LRIF1: variants seen among roughly 807,000 people sequenced by gnomAD.
The protein encoded by LRIF1 is ligand-dependent nuclear receptor-interacting factor 1.
In LRIF1, 32 loss-of-function variants were observed where a neutral mutation model predicts 52.7. The ratio of observed to expected loss-of-function variants is 0.61; its 90% CI spans 0.46 to 0.82. LRIF1 has a LOEUF of 0.82. Ranked by LOEUF, LRIF1 falls within the 40% of genes least tolerant of loss-of-function variation. The pLI, the probability that LRIF1 is intolerant of heterozygous loss-of-function variation, is 0.00. For missense variants in LRIF1, 887 were observed against 892.0 expected, an observed-to-expected ratio of 0.99 and a Z score of 0.07; for synonymous variants, 323 against 317.4, an observed-to-expected ratio of 1.02 and a Z score of -0.19.
At chr1:110,891,823 A>G in the LRIF1 span, among the ~76,000 whole-genome samples, 14 of 152,344 alleles carry the variant, frequency 9.2e-5, no homozygotes, top group African/African-American at 3.4e-4. Context: ...CCTTGAAACA[A>G]TAAGTGATTG....
chr1:110,958,492 C>T (rs1212168181), intron 1 of LRIF1, among the ~76,000 whole-genome samples: 1 of 151,920 alleles, frequency 6.6e-6, no homozygotes, highest in African/African-American at 2.4e-5. Context: ...AAGACTGAAA[C>T]TCCTTAAGGT....
chr1:110,892,323 G>A, the LRIF1 span: 1 of 1,601,230 alleles, frequency 6.2e-7, no homozygotes, highest in Non-Finnish European at 8.6e-7. Flanking sequence ...GCTTCAGGAT[G>A]TTGTGGGATT....
the LRIF1 span, among the ~76,000 whole-genome samples, chr1:110,907,757 A>G: frequency 6.6e-6 from 1 of 152,102 alleles, no homozygotes; most frequent in Non-Finnish European, 1.5e-5. Flanking sequence ...AAGTTTTGAG[A>G]AGTTTTTTTC....
chr1:110,960,579 T>A (rs561233434), intron 1 of LRIF1, among the ~76,000 whole-genome samples: 126 of 152,328 alleles, frequency 8.3e-4, no homozygotes, highest in Non-Finnish European at 1.4e-3. Flanking sequence ...ACCTCTAAGG[T>A]GATGCTTCCC....
the LRIF1 span, among the ~76,000 whole-genome samples, chr1:110,930,959 C>T: frequency 9.9e-5 from 15 of 152,042 alleles, no homozygotes; most frequent in Admixed American, 5.9e-4. Context: ...TGTCGTCCAG[C>T]CTGTGGTACC....
At chr1:110,933,519 G>A in the LRIF1 span, among the ~76,000 whole-genome samples, 1 of 152,170 alleles carries the variant, frequency 6.6e-6, no homozygotes, top group African/African-American at 2.4e-5. Context: ...GCCAGGTTGT[G>A]TGGAGGGCAT....
At position 110,952,402 on chromosome 1, in the gene LRIF1, G is replaced by C; in HGVS notation, c.482C>G (p.Ser161Cys). The C allele has an allele frequency of 6.2e-7, 1 of 1,613,466 alleles. No homozygotes were observed. Among genetic ancestry groups the C allele is most frequent in the Non-Finnish European group, 8.5e-7 (1 of 1,179,408 alleles). Residue 161 changes from serine to cysteine, a missense_variant, in exon 2 of 4, where the codon TCT (serine) becomes TGT (cysteine). Physicochemically the swap from Ser to Cys is moderately radical, Grantham distance 112 (BLOSUM62 -1). Coordinates refer to ENST00000369763, the MANE Select transcript of LRIF1 (RefSeq NM_018372.4). ...AVPPSTQKDSSFIVVNTQSLP... is the reference protein window; with the variant it reads ...AVPPSTQKDSCFIVVNTQSLP... ...ACTCTGGGTATTAACTACAATAAAA[G>C]ATGAGTCTTTTTGTGTTGAGGGAGG...
chr1:110,904,946 A>G, the LRIF1 span, among the ~76,000 whole-genome samples: 2 of 152,250 alleles, frequency 1.3e-5, no homozygotes, highest in Non-Finnish European at 1.5e-5. Flanking sequence ...GATTAAAATA[A>G]TTAAAAAGAA....
At chr1:110,893,522 A>G in the LRIF1 span, among the ~76,000 whole-genome samples, 1 of 152,284 alleles carries the variant, frequency 6.6e-6, no homozygotes, top group African/African-American at 2.4e-5. Flanking sequence ...GGGTTTCTCC[A>G]TATTGGTCAA....
At position 110,947,961 on chromosome 1, in the gene LRIF1, AT is replaced by A; in HGVS notation, c.2307del (p.Lys769AsnfsTer15). 6.4e-7 allele frequency: 1 copy of A among 1,567,716 alleles called. No individual in the cohort carries two copies. Among genetic ancestry groups the A allele is most frequent in the Non-Finnish European group, 8.6e-7 (1 of 1,161,552 alleles). On this transcript the variant is annotated frameshift_variant, in exon 4 of 4. Transcript: ENST00000369763. LOFTEE classifies it high-confidence loss of function. ...CACTGAAGTCTTTACAGGAGATTTTATTTTTGGTGCATCTTCTTACGCATTT... is the reference window on the plus strand; with the variant it reads ...CACTGAAGTCTTTACAGGAGATTTTATTTTGGTGCATCTTCTTACGCATTT... Reference protein sequence around the residue: ...LEEMRKKMHQK With the variant: ...LEEMRKKMHQX
chr1:110,914,989 A>G, the LRIF1 span, among the ~76,000 whole-genome samples: 7 of 152,146 alleles, frequency 4.6e-5, no homozygotes, highest in East Asian at 1.4e-3. Flanking sequence ...GCACCAAAAG[A>G]AAGTATAAGA....
chr1:110,895,882 A>G, the LRIF1 span, among the ~76,000 whole-genome samples: 1 of 152,176 alleles, frequency 6.6e-6, no homozygotes, highest in Non-Finnish European at 1.5e-5. Context: ...TAGACAATAT[A>G]TTATTTCACC....
chr1:110,902,877 G>A, the LRIF1 span, among the ~76,000 whole-genome samples: 5 of 152,176 alleles, frequency 3.3e-5, no homozygotes, highest in Non-Finnish European at 7.4e-5. Context: ...TGAAAGTCAT[G>A]CTGGAGAGGT....
At chr1:110,962,028 A>G (rs1658973251) in intron 1 of LRIF1, among the ~76,000 whole-genome samples, 1 of 151,168 alleles carries the variant, frequency 6.6e-6, no homozygotes, top group East Asian at 1.9e-4. Context: ...CAAATCCCCA[A>G]AAGGATTAGA....
chr1:110,902,510 A>AG, the LRIF1 span, among the ~76,000 whole-genome samples: 1 of 148,708 alleles, frequency 6.7e-6, no homozygotes, highest in Non-Finnish European at 1.5e-5. Flanking sequence ...AAAAAAAAAA[A>AG]AAAAAAAAAA....
the LRIF1 span, among the ~76,000 whole-genome samples, chr1:110,934,830 C>T: frequency 6.6e-6 from 1 of 152,112 alleles, no homozygotes; most frequent in African/African-American, 2.4e-5. Flanking sequence ...TTGTAGAGTC[C>T]CAGGGCCTTA....
downstream of LRIF1, among the ~76,000 whole-genome samples, chr1:110,943,277 G>A (rs1239314731): frequency 6.6e-6 from 1 of 152,138 alleles, no homozygotes; most frequent in Non-Finnish European, 1.5e-5. Context: ...CTGAATTTCA[G>A]AATAAAGTTA....
chr1:110,942,955 A>G (rs1470307441), downstream of LRIF1, among the ~76,000 whole-genome samples: 1 of 152,180 alleles, frequency 6.6e-6, no homozygotes, highest in African/African-American at 2.4e-5. Flanking sequence ...GATGTAAAAT[A>G]AGAGACATAA....
the LRIF1 span, among the ~76,000 whole-genome samples, chr1:110,916,944 G>T: frequency 6.6e-6 from 1 of 152,206 alleles, no homozygotes; most frequent in African/African-American, 2.4e-5. Context: ...TTCCTGCTTA[G>T]GGTGTGCCAC....
Sources: allele counts gnomAD v4.1 joint callset (sites outside exome capture counted in the v4.1 genomes callset), GRCh38; gene constraint gnomAD v4.1.1; transcripts MANE v1.5; gene names NCBI Gene and HGNC (gene_info 2026-07-23, HGNC 2026-07-21).